The following PTPRN2 variants were observed in gnomAD, a reference collection of about 807,000 sequenced individuals.
PTPRN2 encodes the protein receptor-type tyrosine-protein phosphatase N2.
PTPRN2 carries 74 observed loss-of-function variants against 118.8 expected under a neutral mutation model. The observed-to-expected ratio is 0.62, with a 90% confidence interval of 0.52 to 0.76. The LOEUF (loss-of-function observed/expected upper bound fraction) is 0.76, where lower values mean the gene tolerates loss of function less well. Ranked by LOEUF, PTPRN2 falls within the 30% of genes least tolerant of loss-of-function variation. The pLI is 0.00. For missense variants in PTPRN2, 1,481 were observed against 1,394.4 expected, an observed-to-expected ratio of 1.06 and a Z score of -0.99; for synonymous variants, 641 against 608.0, an observed-to-expected ratio of 1.05 and a Z score of -0.80.
At chr7:158,186,700 G>A (rs980033857) in intron 5 of PTPRN2, among the ~76,000 whole-genome samples, 81 of 150,666 alleles carry the variant, frequency 5.4e-4, no homozygotes, top group African/African-American at 1.8e-3. Context: ...TCAGAAGCCC[G>A]CCTGGGCCAC....
intron 2 of PTPRN2, among the ~76,000 whole-genome samples, chr7:158,321,253 C>A (rs962278782): frequency 8.5e-5 from 13 of 152,140 alleles, no homozygotes; most frequent in Non-Finnish European, 7.4e-5. Flanking sequence ...GTCGCCTCAC[C>A]GCCGACCATT....
At chr7:158,331,788 A>C (rs538624059) in intron 2 of PTPRN2, among the ~76,000 whole-genome samples, 2,082 of 149,848 alleles carry the variant, frequency 0.014, no homozygotes, top group African/African-American at 0.05. Flanking sequence ...TGTCACGCAC[A>C]GACATCACTC....
chr7:158,506,522 G>A (rs1822758914), intron 1 of PTPRN2, among the ~76,000 whole-genome samples: 1 of 151,926 alleles, frequency 6.6e-6, no homozygotes, highest in Non-Finnish European at 1.5e-5. Flanking sequence ...AGCACCTACT[G>A]CATCTAATAC....
At chr7:158,410,071 C>T (rs925143425) in intron 2 of PTPRN2, among the ~76,000 whole-genome samples, 44 of 152,198 alleles carry the variant, frequency 2.9e-4, no homozygotes, top group Non-Finnish European at 2.6e-4. Flanking sequence ...TTTCCTCCTA[C>T]GGCTGCAGGC....
chr7:157,557,000 C>T (rs976260316), intron 21 of PTPRN2, among the ~76,000 whole-genome samples: 3 of 151,734 alleles, frequency 2.0e-5, no homozygotes, highest in Non-Finnish European at 4.4e-5. Flanking sequence ...TACATATGCA[C>T]ATGCATGCAC....
At chr7:157,644,743 C>A (rs1261486799) in intron 14 of PTPRN2, among the ~76,000 whole-genome samples, 1 of 150,292 alleles carries the variant, frequency 6.7e-6, no homozygotes, top group Non-Finnish European at 1.5e-5. Flanking sequence ...TGCAGTGAGC[C>A]GAGATCACAC....
chr7:157,599,947 C>A (rs1449122997), intron 16 of PTPRN2, among the ~76,000 whole-genome samples: 1 of 113,328 alleles, frequency 8.8e-6, no homozygotes, highest in Non-Finnish European at 1.8e-5. Flanking sequence ...ACCTCTCCAC[C>A]TGCCCACATC....
intron 11 of PTPRN2, among the ~76,000 whole-genome samples, chr7:157,918,641 G>A (rs899736043): frequency 3.3e-5 from 5 of 152,170 alleles, no homozygotes; most frequent in African/African-American, 1.2e-4. Context: ...AGGAGAGAAG[G>A]CGTCATGGCG....
At chr7:158,450,490 A>G (rs1818024183) in intron 2 of PTPRN2, among the ~76,000 whole-genome samples, 1 of 152,188 alleles carries the variant, frequency 6.6e-6, no homozygotes, top group African/African-American at 2.4e-5. Context: ...TATTCATCCA[A>G]ACAGCACTCA....
intron 7 of PTPRN2, among the ~76,000 whole-genome samples, chr7:158,137,380 G>A (rs533511893): frequency 6.6e-5 from 10 of 152,220 alleles, no homozygotes; most frequent in East Asian, 1.9e-4. Context: ...TCACGTCACC[G>A]CACTCCAGCC....
At position 158,312,207 on chromosome 7, in the gene PTPRN2, C is replaced by CACACACCA. The variant is rs1261105476; in HGVS notation, c.277+4611_277+4612insTGGTGTGT. Reference sequence around the variant, plus strand: ...GCTCATGTGTAGACACTCACATGCACACACACGTGCTCACAGACACCCACA... The same window carrying CACACACCA: ...GCTCATGTGTAGACACTCACATGCACACACACCAACACACGTGCTCACAGACACCCACA... On this transcript the variant is annotated intron_variant, in intron 3 of 22. Transcript: ENST00000389418. 1.1e-4 allele frequency among the ~76,000 whole-genome samples: 14 copies of CACACACCA among 127,208 alleles called. 1 individual carries two copies. Among genetic ancestry groups the CACACACCA allele is most frequent in the Admixed American group, 3.1e-4 (4 of 12,978 alleles). The allele number at this position is 127,208 out of a possible 152,430, so 83.5% of individuals were successfully genotyped here.
rs896226125 is a variant in PTPRN2 at position 157,974,653 on chromosome 7, C to T, written c.1724-75916G>A. On this transcript the variant is annotated intron_variant, in intron 11 of 22. Coordinates refer to ENST00000389418, the MANE Select transcript of PTPRN2 (RefSeq NM_002847.5). The surrounding 1 kb of genome is among the most constrained non-coding windows in gnomAD (Gnocchi z 4.0). ...AGCCTGGGCAGGGGCGGGCAGGGCT[C>T]TGTGGTAAGACACAGAGGGCAGGGG... Among the ~76,000 whole-genome samples the T allele has an allele frequency of 1.6e-5, 2 of 125,220 alleles. No individual in the cohort carries two copies. The highest frequency in any genetic ancestry group is 3.3e-5 in the Non-Finnish European group (2 of 60,936). The allele number at this position is 125,220 out of a possible 152,430, so 82.1% of individuals were successfully genotyped here.
At chr7:157,970,025 C>G (rs557710368) in intron 11 of PTPRN2, among the ~76,000 whole-genome samples, 70 of 151,988 alleles carry the variant, frequency 4.6e-4, no homozygotes, top group Non-Finnish European at 8.2e-4. Flanking sequence ...AAAAACATCA[C>G]TGGGCTGGCC....
chr7:157,743,093 C>T lies in PTPRN2; in HGVS notation c.1789-60156G>A, dbSNP rs190578901. 4.2e-4 allele frequency among the ~76,000 whole-genome samples: 64 copies of T among 152,266 alleles called. 2 individuals are homozygous for T. Among genetic ancestry groups the T allele is most frequent in the African/African-American group, 1.4e-3 (60 of 41,550 alleles). On this transcript the variant is annotated intron_variant, in intron 12 of 22. Transcript: ENST00000389418. Reference sequence around the variant, plus strand: ...CTTGTGTTATCTGTGGTGGAGAGAACCTTGTAATGAACGGACCACTCACTG... The same window carrying T: ...CTTGTGTTATCTGTGGTGGAGAGAATCTTGTAATGAACGGACCACTCACTG...
At chr7:158,152,464 G>A (rs555367048) in intron 6 of PTPRN2, among the ~76,000 whole-genome samples, 1 of 152,318 alleles carries the variant, frequency 6.6e-6, no homozygotes, top group East Asian at 1.9e-4. Flanking sequence ...GGAGGCCAAA[G>A]TGTCCAGAAT....
At chr7:158,102,303 C>T (rs961231118) in intron 10 of PTPRN2, among the ~76,000 whole-genome samples, 3 of 152,182 alleles carry the variant, frequency 2.0e-5, no homozygotes, top group Non-Finnish European at 1.5e-5. Context: ...ACTCAATGCA[C>T]GCATCCCGAG....
intron 17 of PTPRN2, 46 bp from the exon 18 acceptor site, chr7:157,578,186 C>T (rs779961670): frequency 1.3e-6 from 2 of 1,564,004 alleles, no homozygotes; most frequent in Admixed American, 3.5e-5. Flanking sequence ...TGTCTCATCA[C>T]CGCGTGACAT....
intron 1 of PTPRN2, among the ~76,000 whole-genome samples, chr7:158,551,388 C>T (rs1826642808): frequency 6.6e-6 from 1 of 152,166 alleles, no homozygotes; most frequent in Admixed American, 6.5e-5. Context: ...ATTTGGGGGC[C>T]CCAGCTCCTA....
At chr7:158,374,825 T>C (rs754818102) in intron 2 of PTPRN2, among the ~76,000 whole-genome samples, 8 of 152,154 alleles carry the variant, frequency 5.3e-5, no homozygotes, top group Non-Finnish European at 8.8e-5. Context: ...ACTTTCTGGG[T>C]GATGTAAATG....
Sources: gnomAD v4.1 joint callset for allele counts (sites outside exome capture counted in the v4.1 genomes callset) on GRCh38, gnomAD v4.1.1 for gene constraint, Gnocchi (gnomAD v3.1) non-coding constraint, MANE v1.5 for transcripts, NCBI Gene and HGNC (gene_info 2026-07-23, HGNC 2026-07-21) for gene names.